PLCG2: variants seen among roughly 807,000 people sequenced by gnomAD.
PLCG2 encodes the protein phospholipase C gamma 2, also known as 1-phosphatidylinositol 4,5-bisphosphate phosphodiesterase gamma-2.
A neutral mutation model predicts 175.6 loss-of-function variants in PLCG2; 69 were observed. The observed-to-expected ratio is 0.39, with a 90% CI of 0.32 to 0.48. The LOEUF (loss-of-function observed/expected upper bound fraction) is 0.48. PLCG2 is among the 20% of genes least tolerant of loss of function. PLCG2 has a pLI of 0.91. For missense variants in PLCG2, 1,798 were observed against 1,650.9 expected (o/e 1.09, Z -1.54); for synonymous variants, 827 against 624.0 (o/e 1.33, Z -4.85).
chr16:81,798,735 A>G (rs1911584996), intron 2 of PLCG2: 1 of 152,366 alleles, frequency 6.6e-6, no homozygotes, highest in African/African-American at 2.4e-5. Flanking sequence ...AATGGAAACT[A>G]GCAAAATTAG....
chr16:81,833,983 A>C (rs1431908915), intron 2 of PLCG2, among the ~76,000 whole-genome samples: 1 of 152,176 alleles, frequency 6.6e-6, no homozygotes, highest in Non-Finnish European at 1.5e-5. Flanking sequence ...GTTCACCCCA[A>C]GGTTTTCTGA....
chr16:81,880,132 G>T (rs957531077), intron 7 of PLCG2, among the ~76,000 whole-genome samples: 1 of 152,120 alleles, frequency 6.6e-6, no homozygotes, highest in Non-Finnish European at 1.5e-5. Context: ...TCCTAGTTAC[G>T]CAGGAAGCTA....
chr16:81,781,454 TC>T (rs1910728694), intron 1 of PLCG2, among the ~76,000 whole-genome samples: 1 of 152,294 alleles, frequency 6.6e-6, no homozygotes, highest in Admixed American at 6.5e-5. Context: ...AACTATTGCT[TC>T]CGTGATTTTC....
intron 5 of PLCG2, among the ~76,000 whole-genome samples, chr16:81,865,020 A>G (rs566719834): frequency 6.6e-6 from 1 of 152,062 alleles, no homozygotes; most frequent in Non-Finnish European, 1.5e-5. Flanking sequence ...CAGGAGGCTT[A>G]CTAGGGAGTG....
intron 2 of PLCG2, among the ~76,000 whole-genome samples, chr16:81,834,426 C>G (rs1389379299): frequency 6.6e-6 from 1 of 152,180 alleles, no homozygotes; most frequent in African/African-American, 2.4e-5. Flanking sequence ...TGCAGCTAGA[C>G]TGGCAGGACT....
chr16:81,910,872 C>G (rs1391839001), intron 18 of PLCG2, 152 bp downstream of exon 18: 1 of 695,852 alleles, frequency 1.4e-6, no homozygotes, highest in African/African-American at 1.8e-5. Flanking sequence ...TGGCCAGTTT[C>G]CAAATTCCTG....
chr16:81,749,882 T>C (rs1909771856), intron 1 of PLCG2, among the ~76,000 whole-genome samples: 1 of 152,112 alleles, frequency 6.6e-6, no homozygotes, highest in African/African-American at 2.4e-5. Flanking sequence ...AGCTGAGATG[T>C]CCCTCAATGG....
In PLCG2 at chr16:81,962,367, A is replaced by T. The variant is rs151094135; in HGVS notation, c.*4369A>T. The stretch of plus-strand genomic sequence containing the variant: ...ATTAGATTTGGAATTATACAGAATT[A>T]GAAAATTGGCATTTAAAAATACTCA... On this transcript the variant is annotated 3_prime_UTR_variant, in exon 33 of 33. Transcript: ENST00000564138. The T allele has an allele frequency of 7.1e-4, 149 of 209,086 alleles. No individual in the cohort carries two copies. The East Asian group carries it at 8.1e-3, about 11-fold the overall frequency. The allele number at this position is 209,086 out of a possible 1,614,324, so 13.0% of individuals were successfully genotyped here. A position where few individuals can be genotyped will look rare whatever the true frequency, so the allele number is the denominator to read the frequency against.
At chr16:81,941,255 G>C (rs897565043) in intron 30 of PLCG2, among the ~76,000 whole-genome samples, 2 of 152,148 alleles carry the variant, frequency 1.3e-5, no homozygotes, top group Admixed American at 6.5e-5. Context: ...GGCCGGGCAC[G>C]GTGGCTCACT....
At chr16:81,881,769 G>T (rs1210863548) in intron 8 of PLCG2, among the ~76,000 whole-genome samples, 1 of 151,654 alleles carries the variant, frequency 6.6e-6, no homozygotes, top group Non-Finnish European at 1.5e-5. Context: ...CTCATCCTCC[G>T]AATAGCTGGG....
At chr16:81,836,061 G>T (rs1287004862) in intron 2 of PLCG2, among the ~76,000 whole-genome samples, 1 of 152,140 alleles carries the variant, frequency 6.6e-6, no homozygotes, top group Admixed American at 6.5e-5. Context: ...GTTTTTGGGG[G>T]ATGCAGTTCA....
chr16:81,751,590 A>C (rs1489696706), intron 1 of PLCG2, among the ~76,000 whole-genome samples: 8 of 152,188 alleles, frequency 5.3e-5, no homozygotes, highest in Non-Finnish European at 1.5e-5. Context: ...AGTATGGTAC[A>C]TTTCAAAATT....
intron 2 of PLCG2, among the ~76,000 whole-genome samples, chr16:81,835,827 C>G (rs1264705848): frequency 6.6e-6 from 1 of 152,098 alleles, no homozygotes; most frequent in East Asian, 1.9e-4. Context: ...TTCCTGGCCT[C>G]TGGTAGCTGC....
chr16:81,860,813 T>C (rs761531293), intron 5 of PLCG2, among the ~76,000 whole-genome samples: 5 of 151,752 alleles, frequency 3.3e-5, no homozygotes, highest in Admixed American at 6.6e-5. Flanking sequence ...TCTACTAAAA[T>C]ACAAAAAATT....
At chr16:81,778,056 A>AC (rs1270541069), upstream of PLCG2, among the ~76,000 whole-genome samples, 1,401 of 103,912 alleles carry the variant, frequency 0.013, 105 homozygotes, top group African/African-American at 0.057. Context: ...AAAAAAAAAC[A>AC]AAAAAAACCA....
At chr16:81,951,489 AGTTTT>A (rs75666869) in intron 31 of PLCG2, among the ~76,000 whole-genome samples, 21,035 of 152,152 alleles carry the variant, frequency 0.14, 1,867 homozygotes, top group South Asian at 0.28. Context: ...TTTATAGCTT[AGTTTT>A]GTCTTCATTT....
At chr16:81,768,539 G>C (rs1195158652) in intron 2 of PLCG2, among the ~76,000 whole-genome samples, 1 of 145,774 alleles carries the variant, frequency 6.9e-6, no homozygotes, top group Non-Finnish European at 1.5e-5. Context: ...ACCAGCACTC[G>C]GTGTTATCCT....
At chr16:81,884,756 G>A in intron 9 of PLCG2, among the ~76,000 whole-genome samples, 1 of 151,888 alleles carries the variant, frequency 6.6e-6, no homozygotes, top group East Asian at 1.9e-4. Context: ...TAGGGTTGCA[G>A]CAAAAATAAG....
At chr16:81,778,041 A>T (rs1567457759), upstream of PLCG2, among the ~76,000 whole-genome samples, 1 of 80,548 alleles carries the variant, frequency 1.2e-5, no homozygotes, top group African/African-American at 5.7e-5. Context: ...ACAAAAAAAA[A>T]ACAAAAAAAA....
Sources: gnomAD v4.1 joint callset for allele counts (sites outside exome capture counted in the v4.1 genomes callset) on GRCh38, gnomAD v4.1.1 for gene constraint, MANE v1.5 for transcripts, NCBI Gene and HGNC (gene_info 2026-07-23, HGNC 2026-07-21) for gene names.